The following LOC128462377 variants were observed in gnomAD, a reference collection of about 807,000 sequenced individuals.
chr16:89,322,970 A>G, the LOC128462377 span: 2 of 258,344 alleles, frequency 7.7e-6, no homozygotes, highest in South Asian at 7.3e-5. Flanking sequence ...GAGCCTCCCA[A>G]GTAGCTGGGA....
At chr16:89,385,395 C>T in the LOC128462377 span, among the ~76,000 whole-genome samples, 54 of 152,254 alleles carry the variant, frequency 3.5e-4, no homozygotes, top group African/African-American at 1.3e-3. Context: ...TCCCAAAGTG[C>T]TGGGATTACA....
the LOC128462377 span, among the ~76,000 whole-genome samples, chr16:89,404,241 T>C: frequency 6.6e-6 from 1 of 152,170 alleles, no homozygotes; most frequent in Non-Finnish European, 1.5e-5. Context: ...TGTAGAACCC[T>C]GTTCTAGTCT....
chr16:89,322,771 G>A, the LOC128462377 span, among the ~76,000 whole-genome samples: 2 of 152,114 alleles, frequency 1.3e-5, no homozygotes, highest in African/African-American at 2.4e-5. Context: ...GCACAGCCCC[G>A]CATGGTGATG....
chr16:89,342,089 G>C, the LOC128462377 span, among the ~76,000 whole-genome samples: 16 of 90,432 alleles, frequency 1.8e-4, no homozygotes, highest in African/African-American at 5.0e-4. Flanking sequence ...CCACAGCTCT[G>C]CTTCCCACCC....
the LOC128462377 span, among the ~76,000 whole-genome samples, chr16:89,358,573 TAC>T: frequency 3.3e-5 from 5 of 152,180 alleles, no homozygotes; most frequent in Admixed American, 3.3e-4. Context: ...ACCCCATAAA[TAC>T]ATTCATCTAT....
the LOC128462377 span, among the ~76,000 whole-genome samples, chr16:89,321,451 G>GGGAGCTGTGGGGCT: frequency 6.9e-6 from 1 of 145,646 alleles, no homozygotes; most frequent in African/African-American, 2.7e-5. Flanking sequence ...GGTGTGGGGC[G>GGGAGCTGTGGGGCT]GGAGCTGCGG....
At chr16:89,407,734 C>T in the LOC128462377 span, among the ~76,000 whole-genome samples, 3 of 151,748 alleles carry the variant, frequency 2.0e-5, no homozygotes, top group Admixed American at 6.6e-5. Flanking sequence ...CCTGCAGTCC[C>T]AGCTACTTGA....
the LOC128462377 span, among the ~76,000 whole-genome samples, chr16:89,404,493 G>A: frequency 1.3e-5 from 2 of 152,310 alleles, no homozygotes; most frequent in South Asian, 4.1e-4. Flanking sequence ...TTATTCTGGT[G>A]TCCTCCAGAA....
chr16:89,328,594 T>G, the LOC128462377 span, among the ~76,000 whole-genome samples: 4 of 74,928 alleles, frequency 5.3e-5, no homozygotes, highest in Non-Finnish European at 8.4e-5. Flanking sequence ...GGCGTACGGG[T>G]GAATCTGCAG....
the LOC128462377 span, among the ~76,000 whole-genome samples, chr16:89,317,304 G>A: frequency 6.6e-6 from 1 of 152,216 alleles, no homozygotes; most frequent in Non-Finnish European, 1.5e-5. Flanking sequence ...GAACAGAGAA[G>A]GGTCAAGCAC....
the LOC128462377 span, among the ~76,000 whole-genome samples, chr16:89,336,412 G>A: frequency 6.6e-6 from 1 of 152,276 alleles, no homozygotes; most frequent in South Asian, 2.1e-4. Context: ...GAAGGAAGGA[G>A]TCTGTTTGCT....
At chr16:89,417,736 C>A in the LOC128462377 span, among the ~76,000 whole-genome samples, 1 of 152,170 alleles carries the variant, frequency 6.6e-6, no homozygotes, top group Non-Finnish European at 1.5e-5. Flanking sequence ...CAACAGCTCC[C>A]AGGATACAGA....
At chr16:89,343,502 T>TGAGC in the LOC128462377 span, among the ~76,000 whole-genome samples, 16 of 152,058 alleles carry the variant, frequency 1.1e-4, no homozygotes, top group Admixed American at 5.2e-4. Flanking sequence ...TGTGAGTGAG[T>TGAGC]GAGCGAGCAA....
the LOC128462377 span, among the ~76,000 whole-genome samples, chr16:89,330,399 C>T: frequency 6.6e-6 from 1 of 151,976 alleles, no homozygotes; most frequent in African/African-American, 2.4e-5. Context: ...CCCAGGTGGC[C>T]GCTCGCACAC....
chr16:89,351,982 C>G, the LOC128462377 span, among the ~76,000 whole-genome samples: 1 of 152,200 alleles, frequency 6.6e-6, no homozygotes, highest in South Asian at 2.1e-4. Context: ...GCGATCGTGG[C>G]TCACTGCAAT....
At chr16:89,351,323 G>C in the LOC128462377 span, among the ~76,000 whole-genome samples, 1 of 152,170 alleles carries the variant, frequency 6.6e-6, no homozygotes, top group Non-Finnish European at 1.5e-5. Flanking sequence ...GAAGGGGATG[G>C]CATCCATGGC....
At chr16:89,343,390 T>C in the LOC128462377 span, among the ~76,000 whole-genome samples, 1 of 152,260 alleles carries the variant, frequency 6.6e-6, no homozygotes, top group Non-Finnish European at 1.5e-5. Flanking sequence ...AAACTGAATT[T>C]GTGGCAAATT....
chr16:89,387,942 G>A, the LOC128462377 span, among the ~76,000 whole-genome samples: 1 of 151,016 alleles, frequency 6.6e-6, no homozygotes, highest in Non-Finnish European at 1.5e-5. Flanking sequence ...GAACCCAGGA[G>A]GCAGAGGCTG....
the LOC128462377 span, among the ~76,000 whole-genome samples, chr16:89,370,150 C>T: frequency 2.0e-5 from 3 of 152,342 alleles, no homozygotes; most frequent in East Asian, 3.9e-4. Flanking sequence ...CAGTAAAATG[C>T]TCTTTGCATT....
Sources: gnomAD v4.1 joint callset for allele counts (sites outside exome capture counted in the v4.1 genomes callset) on GRCh38, gnomAD v4.1.1 for gene constraint, MANE v1.5 for transcripts.